HGFAC: variants seen among roughly 807,000 people sequenced by gnomAD.
The protein encoded by HGFAC is hepatocyte growth factor activator serine protease.
HGFAC carries 76 observed loss-of-function variants against 70.6 expected under a neutral mutation model. The ratio of observed to expected loss-of-function variants is 1.08; its 90% CI spans 0.89 to 1.30. The LOEUF is 1.30. Among genes scored for constraint, HGFAC ranks in the 50% most tolerant of loss-of-function variants. The pLI is 0.00. For synonymous variants in HGFAC, 464 were observed against 405.3 expected, an observed-to-expected ratio of 1.14 and a Z score of -1.74; for missense variants, 1,044 against 933.7, an observed-to-expected ratio of 1.12 and a Z score of -1.54.
chr4:3,445,864 C>T, intron 9 of HGFAC, 178 bp from the exon 10 acceptor site: 1 of 1,542,110 alleles, frequency 6.5e-7, no homozygotes, highest in Non-Finnish European at 8.7e-7. Context: ...GGCATCAAAC[C>T]CCATTCTACA....
chr4:3,442,067 C>T lies in HGFAC; in HGVS notation c.66C>T (p.Leu22=), dbSNP rs760618805. Residue 22 remains leucine (L), a synonymous_variant, in exon 1 of 14, where the codon CTC becomes CTT. Transcript: ENST00000382774. Reference sequence around the variant, plus strand: ...CGGGGCTGGGCCCCTTCCTCCTCCTCCTCCTGCTGCTGCTGCTGCTGCCAC... The same window carrying T: ...CGGGGCTGGGCCCCTTCCTCCTCCTTCTCCTGCTGCTGCTGCTGCTGCCAC... ...PPPGLGPFLL[L]LLLLLLLPRG... 6 of 1,556,262 alleles carry T rather than the reference C, an allele frequency of 3.9e-6. No homozygotes were observed. The highest frequency in any genetic ancestry group is 1.7e-4 in the Middle Eastern group (1 of 5,856).
intron 3 of HGFAC, 54 bp from the exon 4 acceptor site, chr4:3,443,287 T>TG: frequency 9.6e-7 from 1 of 1,045,478 alleles, no homozygotes; most frequent in South Asian, 1.4e-5. Context: ...GGTGGTGGGG[T>TG]GGGGTGGGGG....
Position 3,445,278 on chromosome 4 carries a change from G to T in HGFAC, c.1030G>T (p.Asp344Tyr). The change falls in exon 9 of 14, where the codon GAC (aspartate) becomes TAC (tyrosine). Residue 344 changes from aspartate to tyrosine, a missense_variant. Transcript: ENST00000382774. ...TATGCACCGCAGGAATCCGGACAAT[G>T]ACGAGAGGCCCTGGTGCTACGTGGT... ...PHAYCRNPDN[D>Y]ERPWCYVVKD... 6.3e-7 allele frequency: 1 copy of T among 1,582,686 alleles called. No homozygotes were observed.
chr4:3,447,742 G>A, intron 11 of HGFAC, 111 bp downstream of exon 11: 3 of 1,548,406 alleles, frequency 1.9e-6, no homozygotes, highest in Non-Finnish European at 2.6e-6. Context: ...GGGGAAGCTG[G>A]GGGCAGGGCA....
intron 13 of HGFAC, 97 bp downstream of exon 13, chr4:3,448,373 G>A (rs182848434): frequency 0.013 from 18,442 of 1,439,854 alleles, 154 homozygotes; most frequent in Non-Finnish European, 0.015. Flanking sequence ...AGAGCCTGGC[G>A]GCACCCCAAC....
chr4:3,447,609 C>T lies in HGFAC; in HGVS notation c.1473C>T (p.Phe491=), dbSNP rs775140425. The change falls in exon 11 of 14, where the codon TTC becomes TTT. Residue 491 remains phenylalanine, a synonymous_variant. Transcript: ENST00000382774. ...KYIPYTLYSV[F]NPSDHDLVLI... is the part of the protein sequence containing the mutation. Reference sequence around the variant, plus strand: ...TCCCGTACACCCTGTACTCGGTGTTCAACCCCAGCGACCACGACCTCGGTG... The same window carrying T: ...TCCCGTACACCCTGTACTCGGTGTTTAACCCCAGCGACCACGACCTCGGTG... The T allele has an allele frequency of 2.5e-6, 4 of 1,612,688 alleles. No homozygotes were observed. Among genetic ancestry groups the T allele is most frequent in the South Asian group, 2.2e-5 (2 of 91,046 alleles).
At chr4:3,442,672 C>A in intron 1 of HGFAC, 60 bp from the exon 2 acceptor site, 1 of 1,261,952 alleles carries the variant, frequency 7.9e-7, no homozygotes, top group Non-Finnish European at 1.0e-6. Context: ...TGACCTCCTG[C>A]CCGGCAGGAC....
chr4:3,442,747 C>A lies in HGFAC; in HGVS notation c.133C>A (p.Pro45Thr), dbSNP rs1725356094. 1 of 1,513,596 alleles carries A rather than the reference C, an allele frequency of 6.6e-7. No homozygotes were observed. The highest frequency in any genetic ancestry group is 1.4e-5 in the African/African-American group (1 of 71,290). The allele number at this position is 1,513,596 out of a possible 1,614,324, so 93.8% of individuals were successfully genotyped here. A position where few individuals can be genotyped will look rare whatever the true frequency, so the allele number is the denominator to read the frequency against. The change falls in exon 2 of 14, where the codon CCA (proline) becomes ACA (threonine). Residue 45 changes from proline to threonine, a missense_variant. Coordinates refer to ENST00000382774, the MANE Select transcript of HGFAC (RefSeq NM_001528.4). ...PQPGGNRTES[P>T]EPNATATPAI... ...CTCCTCCTAGAACCGTACGGAGTCC[C>A]CAGAACCTAATGCCACAGCGACCCC... is the stretch of plus-strand genomic sequence containing the variant.
At position 3,442,571 on chromosome 4, in the gene HGFAC, G is replaced by A. The variant is rs115670853; in HGVS notation, c.118-161G>A. On this transcript the variant is annotated intron_variant, in intron 1 of 13. Transcript: ENST00000382774. ...GGGGCCGAGGGCGGGGAAGGTGTCA[G>A]GGCCTGGCTGAGGCCTCAGGAATGT... Among the ~76,000 whole-genome samples, 969 of 152,262 alleles carry A rather than the reference G, an allele frequency of 6.4e-3. 5 individuals are homozygous for A. Among genetic ancestry groups the A allele is most frequent in the African/African-American group, 0.022 (907 of 41,550 alleles).
At position 3,443,410 on chromosome 4, in the gene HGFAC, AG is replaced by A. The variant is rs1450309481; in HGVS notation, c.470del (p.Gly157AlafsTer90). Reference sequence around the variant, plus strand: ...ACTGTGTGGAGGCCACCCCGCCTCCAGGGGGCCCAGGTGGGTGCTGGGTTGG... The same window carrying A: ...ACTGTGTGGAGGCCACCCCGCCTCCAGGGGCCCAGGTGGGTGCTGGGTTGG... ...GYCVEATPPP[G>X]GPAALDPCAS... is the part of the protein sequence containing the mutation. On this transcript the variant is annotated frameshift_variant, in exon 4 of 14. Transcript: ENST00000382774. LOFTEE classifies it high-confidence loss of function. The A allele has an allele frequency of 3.4e-6, 5 of 1,474,506 alleles. No individual in the cohort carries two copies. The highest frequency in any genetic ancestry group is 3.6e-6 in the Non-Finnish European group (4 of 1,110,748). The allele number at this position is 1,474,506 out of a possible 1,614,324, so 91.3% of individuals were successfully genotyped here.
At position 3,442,093 on chromosome 4, in the gene HGFAC, G is replaced by T. The variant is rs748796749; in HGVS notation, c.92G>T (p.Arg31Leu). ...LLLLLLLLLP[R>L]GFQPQPGGNR... ...CTCCTGCTGCTGCTGCTGCTGCCAC[G>T]GGGGTTCCAGCCCCAGCCTGGCGGG... Residue 31 changes from arginine to leucine, a missense_variant, in exon 1 of 14, where the codon CGG (arginine) becomes CTG (leucine). Physicochemically the swap from Arg to Leu is moderately radical, Grantham distance 102. Coordinates refer to ENST00000382774, the MANE Select transcript of HGFAC (RefSeq NM_001528.4). 1 of 1,559,118 alleles carries T rather than the reference G, an allele frequency of 6.4e-7. No individual in the cohort carries two copies. Among genetic ancestry groups the T allele is most frequent in the Admixed American group, 1.9e-5 (1 of 51,874 alleles).
chr4:3,441,790 C>T, upstream of HGFAC: 3 of 498,928 alleles, frequency 6.0e-6, no homozygotes, highest in South Asian at 3.3e-5. The surrounding 1 kb of genome is among the most constrained non-coding windows in gnomAD (Gnocchi z 6.0). Context: ...CCAGTGCAGG[C>T]CGAGGCCAGA....
chr4:3,448,383 C>A (rs1370211671), intron 13 of HGFAC, 107 bp downstream of exon 13: 1 of 1,341,292 alleles, frequency 7.5e-7, no homozygotes, highest in Non-Finnish European at 1.0e-6. Flanking sequence ...GGCACCCCAA[C>A]CTGGCAGGGC....
intron 1 of HGFAC, among the ~76,000 whole-genome samples, 196 bp from the exon 2 acceptor site, chr4:3,442,536 G>T (rs878923078): frequency 6.6e-6 from 1 of 152,158 alleles, no homozygotes; most frequent in East Asian, 1.9e-4. Flanking sequence ...CCCTGAGCAG[G>T]TGTTAACTAG....
intron 10 of HGFAC, among the ~76,000 whole-genome samples, chr4:3,447,078 A>G (rs958494849): frequency 6.6e-6 from 1 of 152,196 alleles, no homozygotes; most frequent in Non-Finnish European, 1.5e-5. Context: ...TCAGGGGCCC[A>G]GGCTCTGTGC....
intron 4 of HGFAC, 91 bp downstream of exon 4, chr4:3,443,511 G>T (rs1033391560): frequency 3.8e-6 from 3 of 779,540 alleles, no homozygotes; most frequent in South Asian, 2.3e-5. Context: ...CCCGGGCAGG[G>T]GTCCTGGCTG....
upstream of HGFAC, among the ~76,000 whole-genome samples, chr4:3,441,099 A>G (rs370671864): frequency 1.4e-3 from 216 of 152,188 alleles, no homozygotes; most frequent in African/African-American, 4.7e-3. The surrounding 1 kb of genome is among the most constrained non-coding windows in gnomAD (Gnocchi z 6.0). Flanking sequence ...GGCTGCTCCA[A>G]TATTGCAGAA....
At chr4:3,446,003 T>C in intron 9 of HGFAC, 39 bp from the exon 10 acceptor site, 1 of 1,604,052 alleles carries the variant, frequency 6.2e-7, no homozygotes, top group Non-Finnish European at 8.5e-7. Flanking sequence ...GCTGGCCCTG[T>C]GAACCCCAGG....
chr4:3,447,563 C>A lies in HGFAC; in HGVS notation c.1427C>A (p.Thr476Asn). ...FFNRTTDVTQTFGIEKYIPYT... is the reference protein window; with the variant it reads ...FFNRTTDVTQNFGIEKYIPYT... Reference sequence around the variant, plus strand: ...AACCGCACGACGGACGTGACGCAGACCTTCGGCATCGAGAAGTACATCCCG... The same window carrying A: ...AACCGCACGACGGACGTGACGCAGAACTTCGGCATCGAGAAGTACATCCCG... Residue 476 changes from threonine to asparagine, a missense_variant, in exon 11 of 14, where the codon ACC becomes AAC. Transcript: ENST00000382774. The A allele has an allele frequency of 1.2e-6, 2 of 1,612,692 alleles. No individual in the cohort carries two copies. Among genetic ancestry groups the A allele is most frequent in the Non-Finnish European group, 1.7e-6 (2 of 1,179,910 alleles).
Sources: gnomAD v4.1 joint callset for allele counts (sites outside exome capture counted in the v4.1 genomes callset) on GRCh38, gnomAD v4.1.1 for gene constraint, Gnocchi (gnomAD v3.1) non-coding constraint, MANE v1.5 for transcripts, NCBI Gene and HGNC (gene_info 2026-07-23, HGNC 2026-07-21) for gene names.